APC: variants seen among roughly 807,000 people sequenced by gnomAD.
The protein encoded by APC is APC regulator of Wnt signaling pathway.
A neutral mutation model predicts 247.0 loss-of-function variants in APC; 72 were observed. That is an observed-to-expected ratio of 0.29 (90% CI 0.24 to 0.35). APC has a LOEUF of 0.35. Among genes scored for constraint, APC ranks in the 10% least tolerant of loss-of-function variants. The pLI is 1.00. For synonymous variants in APC, 1,254 were observed against 1,162.5 expected (o/e 1.08, Z -1.60); for missense variants, 3,400 against 3,360.7 (o/e 1.01, Z -0.29).
chr5:112,711,698 G>A (rs1409037992), intron 1 of APC, among the ~76,000 whole-genome samples: 2 of 152,152 alleles, frequency 1.3e-5, no homozygotes, highest in Admixed American at 6.5e-5. Flanking sequence ...TTCAGTCTGG[G>A]TGACAGAACG....
intron 1 of APC, among the ~76,000 whole-genome samples, chr5:112,730,277 A>C (rs1561411889): frequency 6.6e-6 from 1 of 152,370 alleles, no homozygotes; most frequent in East Asian, 1.9e-4. Context: ...TATAGTAAGC[A>C]TCAGAATGAT....
At chr5:112,745,391 G>A (rs887360281) in intron 1 of APC, among the ~76,000 whole-genome samples, 1 of 151,968 alleles carries the variant, frequency 6.6e-6, no homozygotes, top group Non-Finnish European at 1.5e-5. Flanking sequence ...TGAGTTATCT[G>A]GAAATAAAGA....
At chr5:112,763,457 A>C (rs116717082) in intron 2 of APC, among the ~76,000 whole-genome samples, 1,682 of 152,090 alleles carry the variant, frequency 0.011, 41 homozygotes, top group African/African-American at 0.038. Flanking sequence ...AAAAAATGCT[A>C]TGGTTTATTT....
Position 112,839,343 on chromosome 5 carries a change from A to C in APC, c.3749A>C (p.Lys1250Thr), listed in dbSNP as rs771159136. The C allele has an allele frequency of 6.2e-7, 1 of 1,613,128 alleles. No individual in the cohort carries two copies. Among genetic ancestry groups the C allele is most frequent in the African/African-American group, 1.3e-5 (1 of 74,914 alleles). ...CAGCCTCAAAAGGCTGCCACTTGCA[A>C]AGTTTCTTCTATTAACCAAGAAACA... ...SGQPQKAATC[K>T]VSSINQETIQ... The change falls in exon 16 of 16, where the codon AAA (lysine) becomes ACA (threonine). Residue 1250 changes from lysine to threonine, a missense_variant. By Grantham distance (78) the Lys-to-Thr change is moderately conservative (BLOSUM62 -1). Transcript: ENST00000257430. This position sits in a 1 kb window ranked among gnomAD's most constrained non-coding sequence, Gnocchi z 5.0.
intron 2 of APC, among the ~76,000 whole-genome samples, chr5:112,759,104 T>G (rs1442567176): frequency 6.6e-6 from 1 of 152,172 alleles, no homozygotes; most frequent in Non-Finnish European, 1.5e-5. Flanking sequence ...ACAATATACA[T>G]GTAAAGTATA....
chr5:112,840,756 G>A lies in APC; in HGVS notation c.5162G>A (p.Gly1721Asp), dbSNP rs876660114. Reference sequence around the variant, plus strand: ...TTGGATGACAATAAAGCAGAGGAAGGTGATATTCTTGCAGAATGCATTAAT... The same window carrying A: ...TTGGATGACAATAAAGCAGAGGAAGATGATATTCTTGCAGAATGCATTAAT... ...PELDDNKAEE[G>D]DILAECINSA... The change falls in exon 16 of 16, where the codon GGT becomes GAT. Residue 1721 changes from glycine (G) to aspartate (D), a missense_variant. Gly to Asp is a moderately conservative substitution (Grantham distance 94). Around this residue, in one of 9 missense-constraint regions of APC, gnomAD observed 1,788 missense variants for 1,649.5 expected, o/e 1.08. Transcript: ENST00000257430. This position sits in a 1 kb window ranked among gnomAD's most constrained non-coding sequence, Gnocchi z 4.1. 3.1e-6 allele frequency: 5 copies of A among 1,614,048 alleles called. No homozygotes were observed. The highest frequency in any genetic ancestry group is 4.2e-6 in the Non-Finnish European group (5 of 1,179,922).
rs367676584 is a variant in APC, at chr5:112,843,372, A to G, written c.7778A>G (p.Asn2593Ser). ...AAAAGTGAGGATGAAAAACATGTGA[A>G]CTCTATTTCAGGAACCAAACAAAGT... ...KAKSEDEKHV[N>S]SISGTKQSKE... Residue 2593 changes from asparagine to serine, a missense_variant, in exon 16 of 16, where the codon AAC becomes AGC. Coordinates refer to ENST00000257430, the MANE Select transcript of APC (RefSeq NM_000038.6). The surrounding 1 kb of genome is among the most constrained non-coding windows in gnomAD (Gnocchi z 4.8). 1.8e-5 allele frequency: 29 copies of G among 1,613,712 alleles called. No individual in the cohort carries two copies. Among genetic ancestry groups the G allele is most frequent in the Middle Eastern group, 1.6e-4 (1 of 6,082 alleles).
chr5:112,837,790 T>G lies in APC; in HGVS notation c.2196T>G (p.Asn732Lys), dbSNP rs781693283. 6.2e-7 allele frequency: 1 copy of G among 1,614,046 alleles called. No homozygotes were observed. The highest frequency in any genetic ancestry group is 8.5e-7 in the Non-Finnish European group (1 of 1,180,024). ...SAAALRNLMANRPAKYKDANI... is the reference protein window; with the variant it reads ...SAAALRNLMAKRPAKYKDANI... ...CAGCTTTAAGGAATCTCATGGCAAA[T>G]AGGCCTGCGAAGTACAAGGATGCCA... The change falls in exon 16 of 16, where the codon AAT becomes AAG. Residue 732 changes from asparagine to lysine, a missense_variant. Physicochemically the swap from Asn to Lys is moderately conservative, Grantham distance 94. Coordinates refer to ENST00000257430, the MANE Select transcript of APC (RefSeq NM_000038.6).
In APC at chr5:112,804,390, A is replaced by G. The variant is rs76050470; in HGVS notation, c.834+3007A>G. ...AATATTATTGACTTAGGTAATTATA[A>G]CTTTTTTTTTGGAGACAGAGTCTCG... is the stretch of plus-strand genomic sequence containing the variant. On this transcript the variant is annotated intron_variant, in intron 8 of 15. Coordinates refer to ENST00000257430, the MANE Select transcript of APC (RefSeq NM_000038.6). Among the ~76,000 whole-genome samples, 1,149 of 152,190 alleles carry G rather than the reference A, an allele frequency of 7.5e-3. 13 individuals carry two copies. Among genetic ancestry groups the G allele is most frequent in the African/African-American group, 0.026 (1,073 of 41,528 alleles).
At chr5:112,710,387 G>C (rs1335013176) in intron 1 of APC, among the ~76,000 whole-genome samples, 2 of 151,886 alleles carry the variant, frequency 1.3e-5, no homozygotes, top group African/African-American at 2.4e-5. Context: ...TTTCATCTCA[G>C]TGTCATCTCT....
rs773525821 is a variant in APC at position 112,815,513 on chromosome 5, G to A, written c.853G>A (p.Asp285Asn). 6.2e-7 allele frequency: 1 copy of A among 1,611,766 alleles called. No homozygotes were observed. The highest frequency in any genetic ancestry group is 1.7e-5 in the Admixed American group (1 of 59,942). The change falls in exon 9 of 16, where the codon GAC (aspartate) becomes AAC (asparagine). Residue 285 changes from aspartate (D) to asparagine (N), a missense_variant. Asp to Asn is a conservative substitution (Grantham distance 23). Coordinates refer to ENST00000257430, the MANE Select transcript of APC (RefSeq NM_000038.6). ...GNGQGSTTRM[D>N]HETASVLSSS... ...TTTTTAGGGTTCAACTACACGAATG[G>A]ACCATGAAACAGCCAGTGTTTTGAG... is the stretch of plus-strand genomic sequence containing the variant.
chr5:112,714,584 T>C (rs1303844899), intron 1 of APC, among the ~76,000 whole-genome samples: 1 of 152,240 alleles, frequency 6.6e-6, no homozygotes, highest in Non-Finnish European at 1.5e-5. Context: ...TTGGGCTAGC[T>C]TATCTTAATG....
chr5:112,748,514 G>T (rs1753926017), intron 1 of APC, among the ~76,000 whole-genome samples: 1 of 152,130 alleles, frequency 6.6e-6, no homozygotes, highest in South Asian at 2.1e-4. Flanking sequence ...TGGAAGTGTG[G>T]ATAGTAGACA....
chr5:112,828,951 A>G lies in APC; in HGVS notation c.1722A>G (p.Glu574=), dbSNP rs786201277. 10 of 1,611,786 alleles carry G rather than the reference A, an allele frequency of 6.2e-6. No homozygotes were observed. The highest frequency in any genetic ancestry group is 7.6e-6 in the Non-Finnish European group (9 of 1,178,060). Residue 574 remains glutamate (E), a synonymous_variant, in exon 14 of 16, where the codon GAA becomes GAG. Transcript: ENST00000257430. The part of the protein sequence containing the change: ...REVGSVKALM[E]CALEVKKEST... ...TTGGAAGTGTGAAAGCATTGATGGA[A>G]TGTGCTTTAGAAGTTAAAAAGGTAC...
chr5:112,715,790 G>A (rs1751136837), intron 1 of APC, among the ~76,000 whole-genome samples: 1 of 152,094 alleles, frequency 6.6e-6, no homozygotes, highest in South Asian at 2.1e-4. Flanking sequence ...GTGTTGGGAG[G>A]AAAGGTTTTT....
chr5:112,783,952 G>T (rs1236611602), intron 6 of APC, among the ~76,000 whole-genome samples: 1 of 151,840 alleles, frequency 6.6e-6, no homozygotes, highest in Non-Finnish European at 1.5e-5. Context: ...TATAAAGTAA[G>T]GTACTATTTT....
At chr5:112,779,464 A>C (rs545131918) in intron 5 of APC, among the ~76,000 whole-genome samples, 1 of 152,330 alleles carries the variant, frequency 6.6e-6, no homozygotes, top group South Asian at 2.1e-4. Context: ...TATGATATAT[A>C]AGACATTATC....
In APC at chr5:112,843,012, C is replaced by G. The variant is rs1580682419; in HGVS notation, c.7418C>G (p.Ser2473Cys). 1 of 1,614,028 alleles carries G rather than the reference C, an allele frequency of 6.2e-7. No homozygotes were observed. Among genetic ancestry groups the G allele is most frequent in the Non-Finnish European group, 8.5e-7 (1 of 1,179,910 alleles). Residue 2473 changes from serine to cysteine, a missense_variant, in exon 16 of 16, where the codon TCT (serine) becomes TGT (cysteine). By Grantham distance (112) the Ser-to-Cys change is moderately radical. Coordinates refer to ENST00000257430, the MANE Select transcript of APC (RefSeq NM_000038.6). The surrounding 1 kb of genome is among the most constrained non-coding windows in gnomAD (Gnocchi z 4.8). ...ESLSPSSRPA[S>C]PTRSQAQTPV... ...CTTTCTCCATCATCTAGACCAGCTTCTCCCACTAGGTCCCAGGCACAAACT... is the reference window on the plus strand; with the variant it reads ...CTTTCTCCATCATCTAGACCAGCTTGTCCCACTAGGTCCCAGGCACAAACT...
upstream of APC, chr5:112,707,517 T>C (rs1580995876): frequency 2.1e-6 from 1 of 466,518 alleles, no homozygotes; most frequent in East Asian, 4.0e-5. Context: ...TCTTCCCACC[T>C]CCCACAAGAT....
Sources: gnomAD v4.1 joint callset for allele counts (sites outside exome capture counted in the v4.1 genomes callset) on GRCh38, gnomAD v4.1.1 for gene constraint, gnomAD v4.1.1 regional missense constraint, Gnocchi (gnomAD v3.1) non-coding constraint, MANE v1.5 for transcripts, NCBI Gene and HGNC (gene_info 2026-07-23, HGNC 2026-07-21) for gene names.